The following ACER1 variants were observed in gnomAD, a reference collection of about 807,000 sequenced individuals.
The protein encoded by ACER1 is CTB-180A7.3.
Under a neutral mutation model 24.9 loss-of-function variants are expected in ACER1, and 28 were observed. That is an observed-to-expected ratio of 1.13 (90% CI 0.83 to 1.54). The LOEUF (loss-of-function observed/expected upper bound fraction) is 1.54. ACER1 is among the 40% of genes most tolerant of loss of function. The probability of loss-of-function intolerance (pLI) is 0.00; values close to 1 mark genes in which losing one functional copy is unlikely to be tolerated. For missense variants in ACER1, 352 were observed against 349.3 expected (o/e 1.01, Z -0.06); for synonymous variants, 132 against 131.4 (o/e 1.00, Z -0.03).
rs750081458 is a variant in ACER1 at position 6,312,144 on chromosome 19, C to T, written c.350+5G>A. On this transcript the variant is annotated splice_donor_5th_base_variant and intron_variant, in intron 3 of 5. Coordinates refer to ENST00000301452, the MANE Select transcript of ACER1 (RefSeq NM_133492.3). ...CCCTGTCCAGATGGCCAGCCCCTGA[C>T]CCACCTGTTCCCCCCAAGGAAGGAG... The T allele has an allele frequency of 6.2e-7, 1 of 1,613,052 alleles. No homozygotes were observed. Among genetic ancestry groups the T allele is most frequent in the African/African-American group, 1.3e-5 (1 of 75,030 alleles).
At chr19:6,352,576 G>T in the ACER1 span, among the ~76,000 whole-genome samples, 1 of 152,316 alleles carries the variant, frequency 6.6e-6, no homozygotes, top group East Asian at 1.9e-4. Context: ...GGGGCGGTTT[G>T]TTACACAGCA....
Position 6,312,228 on chromosome 19 carries a change from C to T in ACER1, c.271G>A (p.Ala91Thr), listed in dbSNP as rs909462126. 9 of 1,614,024 alleles carry T rather than the reference C, an allele frequency of 5.6e-6. No homozygotes were observed. Among genetic ancestry groups the T allele is most frequent in the East Asian group, 2.2e-5 (1 of 44,884 alleles). Residue 91 changes from alanine (A) to threonine (T), a missense_variant, in exon 3 of 6, where the codon GCC becomes ACC. Coordinates refer to ENST00000301452, the MANE Select transcript of ACER1 (RefSeq NM_133492.3). ...CCACTGCCCAGGAGCCACAGGATGG[C>T]GATCTCGTCCAGCAGCTGGCCCAGG... ...SFLGQLLDEI[A>T]ILWLLGSGYS...
chr19:6,345,223 G>A, the ACER1 span, among the ~76,000 whole-genome samples: 1 of 151,894 alleles, frequency 6.6e-6, no homozygotes, highest in African/African-American at 2.4e-5. Flanking sequence ...ATGAAGTTAT[G>A]TGGATAAATT....
At chr19:6,330,829 G>T (rs975513462) in intron 1 of ACER1, among the ~76,000 whole-genome samples, 1 of 149,742 alleles carries the variant, frequency 6.7e-6, no homozygotes. Flanking sequence ...GAATCAGTGA[G>T]ACCGTGAGGA....
chr19:6,350,689 A>T, the ACER1 span, among the ~76,000 whole-genome samples: 11 of 152,080 alleles, frequency 7.2e-5, no homozygotes, highest in African/African-American at 2.7e-4. Flanking sequence ...GAAGGAGAAG[A>T]AAAAAGAGGA....
At chr19:6,347,131 T>TATATAAA in the ACER1 span, among the ~76,000 whole-genome samples, 1 of 134,538 alleles carries the variant, frequency 7.4e-6, no homozygotes, top group Non-Finnish European at 1.5e-5. Flanking sequence ...TATATATATA[T>TATATAAA]AAAATAATAA....
At chr19:6,328,417 G>A (rs535038148) in intron 1 of ACER1, among the ~76,000 whole-genome samples, 1 of 149,536 alleles carries the variant, frequency 6.7e-6, no homozygotes, top group Admixed American at 6.7e-5. Context: ...CTTGAACCAG[G>A]GAGGTGGAGG....
upstream of ACER1, among the ~76,000 whole-genome samples, chr19:6,334,512 T>A (rs9304935): frequency 0.05 from 7,576 of 151,886 alleles, 286 homozygotes; most frequent in African/African-American, 0.11. Context: ...GCCCAGCTAA[T>A]TTTTTTTGTA....
rs1174178927 is a variant in ACER1, at chr19:6,333,542, T to C, written c.10A>G (p.Ile4Val). The stretch of plus-strand genomic sequence containing the variant: ...ACCTCGGAGCTCTGATAGGCGAAGA[T>C]GCTAGGCATCTTGTCTCAGTGGCCA... The part of the protein sequence containing the change: MPS[I>V]FAYQSSEVDW... The change falls in exon 1 of 6, where the codon ATC becomes GTC. Residue 4 changes from isoleucine to valine, a missense_variant. Coordinates refer to ENST00000301452, the MANE Select transcript of ACER1 (RefSeq NM_133492.3). 6.3e-7 allele frequency: 1 copy of C among 1,582,812 alleles called. No homozygotes were observed. Among genetic ancestry groups the C allele is most frequent in the East Asian group, 2.3e-5 (1 of 43,596 alleles).
chr19:6,309,553 G>T (rs1600233794), intron 4 of ACER1, 144 bp downstream of exon 4: 1 of 1,043,182 alleles, frequency 9.6e-7, no homozygotes. Context: ...GACAAACTCT[G>T]CAGTCAGTCA....
rs1568312233 is a variant in ACER1, at chr19:6,324,871, GGAAGGA to G, written c.93+8582_93+8587del. Among the ~76,000 whole-genome samples, 569 of 137,878 alleles carry G rather than the reference GGAAGGA, an allele frequency of 4.1e-3. 8 individuals carry two copies. The highest frequency in any genetic ancestry group is 0.01 in the African/African-American group (332 of 33,184). 90.5% of individuals were successfully genotyped at this position (137,878 alleles called of 152,430 possible). A position where few individuals can be genotyped will look rare whatever the true frequency, so the allele number is the denominator to read the frequency against. On this transcript the variant is annotated intron_variant, in intron 1 of 5. Coordinates refer to ENST00000301452, the MANE Select transcript of ACER1 (RefSeq NM_133492.3). The stretch of plus-strand genomic sequence containing the variant: ...AAAGAGAGAGAGAGAAAGGAAGGAA[GGAAGGA>G]AGGAAGGAAGGAAGGAAGGAAGGAA...
At chr19:6,322,151 T>A (rs1370570098) in intron 1 of ACER1, among the ~76,000 whole-genome samples, 1 of 152,200 alleles carries the variant, frequency 6.6e-6, no homozygotes, top group Non-Finnish European at 1.5e-5. Flanking sequence ...ACTGGTTTCA[T>A]GCATGTAATT....
intron 1 of ACER1, among the ~76,000 whole-genome samples, chr19:6,327,781 A>T (rs1370767837): frequency 3.3e-5 from 5 of 151,820 alleles, no homozygotes; most frequent in Non-Finnish European, 5.9e-5. Context: ...TTCAGTGTCA[A>T]TAAAAAAAAA....
At chr19:6,342,024 A>ATTTGGAAAGTGT in the ACER1 span, among the ~76,000 whole-genome samples, 8,582 of 152,234 alleles carry the variant, frequency 0.056, 404 homozygotes, top group African/African-American at 0.13. Context: ...ATGCATTAAT[A>ATTTGGAAAGTGT]TTTGGAAAGT....
intron 1 of ACER1, among the ~76,000 whole-genome samples, chr19:6,323,322 A>G (rs543415014): frequency 1.3e-5 from 2 of 150,690 alleles, no homozygotes; most frequent in East Asian, 2.0e-4. Flanking sequence ...TGGGAGGCTG[A>G]GGCAGGAGAA....
upstream of ACER1, among the ~76,000 whole-genome samples, chr19:6,335,411 G>C (rs1267400353): frequency 3.3e-5 from 5 of 151,592 alleles, no homozygotes; most frequent in African/African-American, 1.2e-4. Context: ...TTTTAGTAGA[G>C]ACGGGGTTTC....
At chr19:6,358,108 G>T in the ACER1 span, among the ~76,000 whole-genome samples, 32 of 152,276 alleles carry the variant, frequency 2.1e-4, no homozygotes, top group South Asian at 6.4e-3. Context: ...GGCAGGAGCT[G>T]CAGCCCTGGG....
chr19:6,307,634 A>G (rs148356422), intron 4 of ACER1, among the ~76,000 whole-genome samples: 2 of 150,852 alleles, frequency 1.3e-5, no homozygotes, highest in African/African-American at 2.4e-5. Flanking sequence ...AAAAAAAAAA[A>G]GTTAAAATTA....
chr19:6,334,895 G>A (rs2091706568), upstream of ACER1, among the ~76,000 whole-genome samples: 1 of 150,498 alleles, frequency 6.6e-6, no homozygotes, highest in South Asian at 2.1e-4. Flanking sequence ...GGGATTACAG[G>A]GTTTTCTTAC....
Sources: gnomAD v4.1 joint callset for allele counts (sites outside exome capture counted in the v4.1 genomes callset) on GRCh38, gnomAD v4.1.1 for gene constraint, MANE v1.5 for transcripts, NCBI Gene and HGNC (gene_info 2026-07-23, HGNC 2026-07-21) for gene names.